The following PLCD3 variants were observed in gnomAD, a reference collection of about 807,000 sequenced individuals.
PLCD3 encodes 1-phosphatidylinositol 4,5-bisphosphate phosphodiesterase delta-3.
PLCD3 carries 62 observed loss-of-function variants against 82.8 expected under a neutral mutation model. That is an observed-to-expected ratio of 0.75 (90% CI 0.61 to 0.93). PLCD3 has a LOEUF of 0.93. Among genes scored for constraint, PLCD3 ranks in the 40% least tolerant of loss-of-function variants. The pLI, the probability that PLCD3 is intolerant of heterozygous loss-of-function variation, is 0.00. For missense variants in PLCD3, 1,023 were observed against 1,103.4 expected (o/e 0.93, Z 1.03); for synonymous variants, 478 against 471.8 (o/e 1.01, Z -0.17).
In PLCD3 at chr17:45,118,488, C is replaced by T; in HGVS notation, c.918G>A (p.Lys306=). The part of the protein sequence containing the change: ...IQTYELNETA[K]QHELMTLDGF... The stretch of plus-strand genomic sequence containing the variant: ...CATCCAGTGTCATCAGCTCATGCTG[C>T]TTGGCTGCAGGGGTGGCAGGAGAGG... The change falls in exon 6 of 15, where the codon AAG becomes AAA. Residue 306 remains lysine, a synonymous_variant. Coordinates refer to ENST00000619929, the MANE Select transcript of PLCD3 (RefSeq NM_133373.5). This position sits in a 1 kb window ranked among gnomAD's most constrained non-coding sequence, Gnocchi z 4.1. 2.5e-6 allele frequency: 4 copies of T among 1,613,886 alleles called. No individual in the cohort carries two copies. The highest frequency in any genetic ancestry group is 3.4e-6 in the Non-Finnish European group (4 of 1,179,866).
chr17:45,119,017 AC>A lies in PLCD3; in HGVS notation c.710del (p.Arg237LeufsTer2). ...FKECDHSNND[R>X]LEGAEIEEFL... ...ACTCCTCGATCTCAGCCCCCTCTAG[AC>A]GGTCGTTGTTGGAGTGGTCACACTC... is the stretch of plus-strand genomic sequence containing the variant. On this transcript the variant is annotated frameshift_variant, in exon 5 of 15. Coordinates refer to ENST00000619929, the MANE Select transcript of PLCD3 (RefSeq NM_133373.5). LOFTEE classifies it high-confidence loss of function. 2 of 1,611,018 alleles carry A rather than the reference AC, an allele frequency of 1.2e-6. No homozygotes were observed. The highest frequency in any genetic ancestry group is 1.1e-5 in the South Asian group (1 of 90,660).
intron 1 of PLCD3, among the ~76,000 whole-genome samples, chr17:45,130,501 C>T (rs558804087): frequency 6.6e-6 from 1 of 152,170 alleles, no homozygotes; most frequent in Non-Finnish European, 1.5e-5. Context: ...GTGACCCTGC[C>T]AGGGCTGACT....
rs2054262940 is a variant in PLCD3 at position 45,113,230 on chromosome 17, G to A, written c.2023C>T (p.Leu675=). 1 of 1,608,532 alleles carries A rather than the reference G, an allele frequency of 6.2e-7. No homozygotes were observed. The highest frequency in any genetic ancestry group is 1.1e-5 in the South Asian group (1 of 90,000). Residue 675 remains leucine, a synonymous_variant, in exon 13 of 15, where the codon CTG becomes TTG. Transcript: ENST00000619929. ...ATGGAGTGTGGCTTCTCGGCATTCAGCTTGGGCAGCTGCTGTGCAGTCAGC... is the reference window on the plus strand; with the variant it reads ...ATGGAGTGTGGCTTCTCGGCATTCAACTTGGGCAGCTGCTGTGCAGTCAGC... ...QVLTAQQLPK[L]NAEKPHSIVD...
At position 45,124,043 on chromosome 17, in the gene PLCD3, C is replaced by T. The variant is rs565467953; in HGVS notation, c.164-2671G>A. On this transcript the variant is annotated intron_variant, in intron 1 of 14. Coordinates refer to ENST00000619929, the MANE Select transcript of PLCD3 (RefSeq NM_133373.5). ...GAGGGCAGAGGGGAGCCTGCAGCGCCACTACACTTAGGCACATCCTCCTAC... is the reference window on the plus strand; with the variant it reads ...GAGGGCAGAGGGGAGCCTGCAGCGCTACTACACTTAGGCACATCCTCCTAC... Among the ~76,000 whole-genome samples, 3 of 151,576 alleles carry T rather than the reference C, an allele frequency of 2.0e-5. No homozygotes were observed. The South Asian group carries it at 6.2e-4, about 32-fold the overall frequency.
At chr17:45,120,236 C>T in intron 4 of PLCD3, 89 bp downstream of exon 4, 1 of 1,551,494 alleles carries the variant, frequency 6.4e-7, no homozygotes, top group Non-Finnish European at 8.8e-7. Context: ...GTGGAGAGGG[C>T]AGGGGAGCTG....
In PLCD3 at chr17:45,115,103, G is replaced by A. The variant is rs2054278249; in HGVS notation, c.1702C>T (p.Arg568Trp). The change falls in exon 10 of 15, where the codon CGG becomes TGG. Residue 568 changes from arginine to tryptophan, a missense_variant. Arg to Trp is a moderately radical substitution (Grantham distance 101). This residue lies in a region of PLCD3 where 553 missense variants were observed against 655.7 expected (regional missense o/e 0.84). Coordinates refer to ENST00000619929, the MANE Select transcript of PLCD3 (RefSeq NM_133373.5). ...LSERKAKKLI[R>W]EAGNSFVRHN... The stretch of plus-strand genomic sequence containing the variant: ...GTGCCCCAGCTCCTACCTGCCTCCC[G>A]AATGAGTTTCTTGGCTTTGCGCTCG... 1.9e-6 allele frequency: 3 copies of A among 1,598,796 alleles called. No individual in the cohort carries two copies. The highest frequency in any genetic ancestry group is 1.3e-5 in the African/African-American group (1 of 74,624).
chr17:45,126,679 C>T, intron 1 of PLCD3, among the ~76,000 whole-genome samples: 1 of 148,810 alleles, frequency 6.7e-6, no homozygotes, highest in Admixed American at 6.7e-5. Flanking sequence ...TTTTCTGAGA[C>T]AGGGTCTTGC....
intron 1 of PLCD3, among the ~76,000 whole-genome samples, chr17:45,128,309 C>A (rs373258558): frequency 6.6e-6 from 1 of 152,216 alleles, no homozygotes; most frequent in Admixed American, 6.5e-5. Context: ...AGGCATGAAA[C>A]CTGGTTGGGT....
chr17:45,122,724 G>A (rs887583668), intron 1 of PLCD3, among the ~76,000 whole-genome samples: 3 of 152,174 alleles, frequency 2.0e-5, no homozygotes, highest in Non-Finnish European at 4.4e-5. Context: ...GTGCCCCGGA[G>A]AGTTTCGGCC....
intron 11 of PLCD3, 25 bp downstream of exon 11, chr17:45,114,225 T>C: frequency 6.6e-7 from 1 of 1,504,394 alleles, no homozygotes; most frequent in Non-Finnish European, 8.9e-7. Flanking sequence ...CCCCGCCTGC[T>C]CTCATTCCTG....
chr17:45,118,272 T>G lies in PLCD3; in HGVS notation c.1115+19A>C. The G allele has an allele frequency of 6.2e-7, 1 of 1,613,748 alleles. No individual in the cohort carries two copies. The highest frequency in any genetic ancestry group is 8.5e-7 in the Non-Finnish European group (1 of 1,179,742). On this transcript the variant is annotated intron_variant, in intron 6 of 14. Transcript: ENST00000619929. This position sits in a 1 kb window ranked among gnomAD's most constrained non-coding sequence, Gnocchi z 4.1. ...CCCCAGGTGGGGCTCCCGGAAACAT[T>G]CACCCCCTGCTACAGTACCTAACAT...
chr17:45,123,956 A>AC (rs33990992), intron 1 of PLCD3, among the ~76,000 whole-genome samples: 48,134 of 129,292 alleles, frequency 0.37, 8,313 homozygotes, highest in East Asian at 0.51. Context: ...GGCTCACCAG[A>AC]CCCCCCCCCC....
At chr17:45,116,133 T>C (rs2054289794) in intron 8 of PLCD3, among the ~76,000 whole-genome samples, 1 of 152,024 alleles carries the variant, frequency 6.6e-6, no homozygotes, top group Non-Finnish European at 1.5e-5. Flanking sequence ...CCCGACAGGA[T>C]AAATGTCTGG....
At chr17:45,120,599 C>T (rs527354202) in intron 3 of PLCD3, 145 bp from the exon 4 acceptor site, 16 of 1,077,386 alleles carry the variant, frequency 1.5e-5, no homozygotes, top group African/African-American at 3.2e-5. Context: ...TCCCCGAGCA[C>T]GGTAGCAGTG....
chr17:45,127,066 G>C (rs530221269), intron 1 of PLCD3, among the ~76,000 whole-genome samples: 6 of 152,254 alleles, frequency 3.9e-5, no homozygotes, highest in Non-Finnish European at 8.8e-5. Flanking sequence ...TGACCCCAAA[G>C]GGCTGTGTGT....
At chr17:45,124,772 G>C (rs1196240888) in intron 1 of PLCD3, among the ~76,000 whole-genome samples, 7 of 152,270 alleles carry the variant, frequency 4.6e-5, no homozygotes, top group African/African-American at 1.7e-4. Flanking sequence ...TACTGTTCCT[G>C]TGGGGTTTGT....
chr17:45,121,285 A>ACT lies in PLCD3; in HGVS notation c.250_251insAG (p.Leu84GlnfsTer10). On this transcript the variant is annotated frameshift_variant, in exon 2 of 15. Coordinates refer to ENST00000619929, the MANE Select transcript of PLCD3 (RefSeq NM_133373.5). LOFTEE classifies it high-confidence loss of function. ...CAGGCCGTCCTCCTGCAGCCGGTAC[A>ACT]GCCGCTCCTTGTGCCACGTGCGCGA... is the stretch of plus-strand genomic sequence containing the variant. 6.3e-7 allele frequency: 1 copy of ACT among 1,586,896 alleles called. No individual in the cohort carries two copies. Among genetic ancestry groups the ACT allele is most frequent in the Non-Finnish European group, 8.5e-7 (1 of 1,174,920 alleles).
rs1303315189 is a variant in PLCD3 at position 45,112,542 on chromosome 17, T to G, written c.*74A>C. 5 of 1,456,884 alleles carry G rather than the reference T, an allele frequency of 3.4e-6. No homozygotes were observed. Among genetic ancestry groups the G allele is most frequent in the Non-Finnish European group, 4.7e-6 (5 of 1,063,372 alleles). The allele number at this position is 1,456,884 out of a possible 1,614,324, so 90.2% of individuals were successfully genotyped here. ...GGGGCTGGTACTCCCACCACCTGAC[T>G]CCAGAGGAGGAGAGGGCTCTGCAGG... On this transcript the variant is annotated 3_prime_UTR_variant, in exon 15 of 15. Coordinates refer to ENST00000619929, the MANE Select transcript of PLCD3 (RefSeq NM_133373.5).
chr17:45,112,051 C>G lies in PLCD3; in HGVS notation c.*565G>C, dbSNP rs926130512. On this transcript the variant is annotated 3_prime_UTR_variant, in exon 15 of 15. Coordinates refer to ENST00000619929, the MANE Select transcript of PLCD3 (RefSeq NM_133373.5). The stretch of plus-strand genomic sequence containing the variant: ...AGACCCTGTCTCAAAAAATAAAAAC[C>G]AAAACCTACTGCCAGTTTCCCCAGG... The G allele has an allele frequency of 2.0e-5, 3 of 153,544 alleles. No homozygotes were observed. The highest frequency in any genetic ancestry group is 7.2e-5 in the African/African-American group (3 of 41,438). 9.5% of individuals were successfully genotyped at this position (153,544 alleles called of 1,614,324 possible).
Sources: allele counts gnomAD v4.1 joint callset (sites outside exome capture counted in the v4.1 genomes callset), GRCh38; gene constraint gnomAD v4.1.1; regional missense constraint gnomAD v4.1.1; non-coding constraint Gnocchi (gnomAD v3.1); transcripts MANE v1.5; gene names NCBI Gene and HGNC (gene_info 2026-07-23, HGNC 2026-07-21).